CDK12: variants seen among roughly 807,000 people sequenced by gnomAD.
CDK12 encodes cyclin-dependent kinase 12.
Under a neutral mutation model 133.8 loss-of-function variants are expected in CDK12, and 17 were observed. That is an observed-to-expected ratio of 0.13 (90% CI 0.09 to 0.19). The LOEUF (loss-of-function observed/expected upper bound fraction) is 0.19. CDK12 is among the 10% of genes least tolerant of loss of function. CDK12 has a pLI of 1.00. For synonymous variants in CDK12, 694 were observed against 683.6 expected, an observed-to-expected ratio of 1.02 and a Z score of -0.24; for missense variants, 1,508 against 1,818.7, an observed-to-expected ratio of 0.83 and a Z score of 3.11.
intron 6 of CDK12, among the ~76,000 whole-genome samples, chr17:39,501,819 T>C: frequency 6.6e-6 from 1 of 152,074 alleles, no homozygotes; most frequent in East Asian, 1.9e-4. Flanking sequence ...TAATATCAGA[T>C]GTATTATGCA....
intron 2 of CDK12, among the ~76,000 whole-genome samples, chr17:39,555,748 C>T (rs1326450032): frequency 1.3e-5 from 2 of 151,390 alleles, no homozygotes; most frequent in East Asian, 3.9e-4. Context: ...AATCCCAGCA[C>T]TTTGGGAGGC....
rs1567794205 is a variant in CDK12, at chr17:39,532,099, TCTTTCTC to T, written c.*784_*790del. ...TTTGCTGATGTGTGCTCTCTCTCTCTCTTTCTCTCTCTCTCTCTCTCTCTCTCTCTCT... is the reference window on the plus strand; with the variant it reads ...TTTGCTGATGTGTGCTCTCTCTCTCTTCTCTCTCTCTCTCTCTCTCTCTCT... On this transcript the variant is annotated 3_prime_UTR_variant, in exon 14 of 14. Transcript: ENST00000447079. The T allele has an allele frequency of 1.1e-5, 2 of 181,578 alleles. No individual in the cohort carries two copies. Among genetic ancestry groups the T allele is most frequent in the African/African-American group, 2.9e-5 (1 of 34,870 alleles). The allele number at this position is 181,578 out of a possible 1,614,324, so 11.2% of individuals were successfully genotyped here.
chr17:39,546,178 C>G (rs1404383474), upstream of CDK12: 4 of 151,678 alleles, frequency 2.6e-5, no homozygotes, highest in Non-Finnish European at 5.9e-5. Context: ...TGTATCATTC[C>G]AATTTTTTCT....
intron 2 of CDK12, among the ~76,000 whole-genome samples, chr17:39,490,118 G>C (rs969690951): frequency 5.9e-5 from 9 of 151,892 alleles, no homozygotes; most frequent in Admixed American, 1.3e-4. Context: ...TGTAATCCCA[G>C]CATTTTGGGA....
intron 9 of CDK12, among the ~76,000 whole-genome samples, chr17:39,516,443 A>G (rs2053809138): frequency 6.6e-6 from 1 of 151,614 alleles, no homozygotes; most frequent in Admixed American, 6.6e-5. Context: ...TGCAGCCTCA[A>G]ACTCCTGCAC....
At position 39,481,692 on chromosome 17, in the gene CDK12, C is replaced by T. The variant is rs1162314763; in HGVS notation, c.1932-8865C>T. On this transcript the variant is annotated intron_variant, in intron 2 of 13. Transcript: ENST00000447079. ...TCTCTCTCTCTCTCTCTCTCTCTCT[C>T]TCTCTCTCTCTCTCTCTCTTTCTCT... 2.9e-4 allele frequency among the ~76,000 whole-genome samples: 6 copies of T among 20,922 alleles called. 1 individual carries two copies. Among genetic ancestry groups the T allele is most frequent in the African/African-American group, 5.4e-4 (4 of 7,420 alleles). The allele number at this position is 20,922 out of a possible 152,430, so 13.7% of individuals were successfully genotyped here.
At position 39,532,102 on chromosome 17, in the gene CDK12, T is replaced by TTCTCTCTCTATCTCTC. The variant is rs1555579483; in HGVS notation, c.*795_*796insATCTCTCTCTCTCTCT. The TTCTCTCTCTATCTCTC allele has an allele frequency of 4.9e-6, 1 of 206,012 alleles. No homozygotes were observed. Among genetic ancestry groups the TTCTCTCTCTATCTCTC allele is most frequent in the Non-Finnish European group, 9.3e-6 (1 of 107,270 alleles). The allele number at this position is 206,012 out of a possible 1,614,324, so 12.8% of individuals were successfully genotyped here. A position where few individuals can be genotyped will look rare whatever the true frequency, so the allele number is the denominator to read the frequency against. ...GCTGATGTGTGCTCTCTCTCTCTCT[T>TTCTCTCTCTATCTCTC]TCTCTCTCTCTCTCTCTCTCTCTCT... On this transcript the variant is annotated 3_prime_UTR_variant, in exon 14 of 14. Coordinates refer to ENST00000447079, the MANE Select transcript of CDK12 (RefSeq NM_016507.4).
rs2053947791 is a variant in CDK12, at chr17:39,518,410, TCCTGCCTCAGCCCCCC to T, written c.2963+855_2963+870del. Among the ~76,000 whole-genome samples, 2 of 151,512 alleles carry T rather than the reference TCCTGCCTCAGCCCCCC, an allele frequency of 1.3e-5. 1 individual carries two copies. The highest frequency in any genetic ancestry group is 6.8e-3 in the Middle Eastern group (2 of 292). ...TTGAGCTCCTGGGCTCAAGTGCTCT[TCCTGCCTCAGCCCCCC>T]AAATTGCTGGGCTTAAACTTTGAGA... On this transcript the variant is annotated intron_variant, in intron 10 of 13. Coordinates refer to ENST00000447079, the MANE Select transcript of CDK12 (RefSeq NM_016507.4).
chr17:39,557,733 C>T (rs1229906947), intron 3 of CDK12, among the ~76,000 whole-genome samples: 1 of 152,206 alleles, frequency 6.6e-6, no homozygotes, highest in Non-Finnish European at 1.5e-5. Context: ...TTCCAGGCCT[C>T]TTCCAGACAG....
At chr17:39,509,057 C>T (rs567885903) in intron 6 of CDK12, among the ~76,000 whole-genome samples, 1 of 151,228 alleles carries the variant, frequency 6.6e-6, no homozygotes, top group East Asian at 1.9e-4. Context: ...TGAAGTGATT[C>T]TCAAAGCCTG....
At chr17:39,485,406 C>CG (rs1486198740) in intron 2 of CDK12, among the ~76,000 whole-genome samples, 1 of 133,858 alleles carries the variant, frequency 7.5e-6, no homozygotes, top group Admixed American at 7.9e-5. Context: ...GGCATCCCCC[C>CG]CCTTTTTTTT....
At chr17:39,517,707 A>G (rs2053900542) in intron 10 of CDK12, 151 bp downstream of exon 10, 1 of 563,990 alleles carries the variant, frequency 1.8e-6, no homozygotes, top group African/African-American at 1.9e-5. Context: ...TATGAGTTTT[A>G]TCATAGCCCT....
intron 1 of CDK12, among the ~76,000 whole-genome samples, chr17:39,468,022 C>G (rs2049481669): frequency 6.6e-6 from 1 of 151,226 alleles, no homozygotes; most frequent in Non-Finnish European, 1.5e-5. Flanking sequence ...GCCTCCCGAG[C>G]AGCTGGGATT....
At chr17:39,518,252 T>G (rs2053936150) in intron 10 of CDK12, among the ~76,000 whole-genome samples, 1 of 152,156 alleles carries the variant, frequency 6.6e-6, no homozygotes. Flanking sequence ...GCTGGGATTA[T>G]AGGCGTGAGC....
intron 8 of CDK12, among the ~76,000 whole-genome samples, chr17:39,512,319 G>C (rs1019559688): frequency 3.9e-5 from 6 of 152,146 alleles, no homozygotes; most frequent in African/African-American, 1.4e-4. Flanking sequence ...CCCACCCAGG[G>C]TCAGGGTAGT....
chr17:39,489,781 C>A (rs992824774), intron 2 of CDK12, among the ~76,000 whole-genome samples: 1 of 146,936 alleles, frequency 6.8e-6, no homozygotes, highest in Non-Finnish European at 1.5e-5. Flanking sequence ...CTTGAGCCAC[C>A]GTGCCTGGCC....
chr17:39,531,345 C>T lies in CDK12; in HGVS notation c.*29C>T, dbSNP rs2146855613. On this transcript the variant is annotated 3_prime_UTR_variant, in exon 14 of 14. Transcript: ENST00000447079. The stretch of plus-strand genomic sequence containing the variant: ...AGAGACTTCAGTGTCCTGAAAGATT[C>T]CTTTCCTATCCATCCTTCCATCCAG... The T allele has an allele frequency of 7.1e-7, 1 of 1,417,232 alleles. No individual in the cohort carries two copies. The highest frequency in any genetic ancestry group is 9.2e-7 in the Non-Finnish European group (1 of 1,082,292). 87.8% of individuals were successfully genotyped at this position (1,417,232 alleles called of 1,614,324 possible).
intron 6 of CDK12, among the ~76,000 whole-genome samples, chr17:39,505,244 A>G (rs1342211354): frequency 1.8e-5 from 2 of 109,634 alleles, no homozygotes; most frequent in Admixed American, 2.0e-4. Context: ...AAAAAAAAAA[A>G]GGCCAGGCGC....
rs563278830 is a variant in CDK12 at position 39,465,200 on chromosome 17, C to T, written c.1046+2083C>T. On this transcript the variant is annotated intron_variant, in intron 1 of 13. Transcript: ENST00000447079. The stretch of plus-strand genomic sequence containing the variant: ...GGCAGAGGTTGCAGTGAGCTGAGAT[C>T]GTGCCATTGCACTCCAGCCTAGGTG... Among the ~76,000 whole-genome samples the T allele has an allele frequency of 1.5e-4, 21 of 144,082 alleles. No homozygotes were observed. The East Asian group carries it at 3.9e-3, about 26-fold the overall frequency. The allele number at this position is 144,082 out of a possible 152,430, so 94.5% of individuals were successfully genotyped here.
Sources: allele counts gnomAD v4.1 joint callset (sites outside exome capture counted in the v4.1 genomes callset), GRCh38; gene constraint gnomAD v4.1.1; transcripts MANE v1.5; gene names NCBI Gene and HGNC (gene_info 2026-07-23, HGNC 2026-07-21).